Variants in IQSEC3 observed in about 807,000 individuals in gnomAD.
IQSEC3 encodes IQ motif and SEC7 domain-containing protein 3.
Under a neutral mutation model 105.4 loss-of-function variants are expected in IQSEC3, and 50 were observed. The ratio of observed to expected loss-of-function variants is 0.47; its 90% CI spans 0.38 to 0.60. IQSEC3 has a LOEUF of 0.60. IQSEC3 is among the 20% of genes least tolerant of loss of function. IQSEC3 has a pLI of 0.00. For synonymous variants in IQSEC3, 708 were observed against 746.0 expected (o/e 0.95, Z 0.83); for missense variants, 1,415 against 1,630.0 (o/e 0.87, Z 2.27).
At chr12:87,267 C>A (rs1018323743) in intron 1 of IQSEC3, among the ~76,000 whole-genome samples, 2 of 152,032 alleles carry the variant, frequency 1.3e-5, no homozygotes, top group African/African-American at 4.8e-5. Flanking sequence ...TCCATGCACG[C>A]CTCTCCATGG....
chr12:159,671 C>T (rs985715909), intron 7 of IQSEC3, among the ~76,000 whole-genome samples: 5 of 152,284 alleles, frequency 3.3e-5, no homozygotes, highest in East Asian at 3.9e-4. Flanking sequence ...TGTCTGCCTT[C>T]GTGTTCTGGA....
chr12:108,977 TG>T (rs1864777558), intron 2 of IQSEC3, among the ~76,000 whole-genome samples: 1 of 152,236 alleles, frequency 6.6e-6, no homozygotes, highest in Admixed American at 6.5e-5. Flanking sequence ...GGGGACTTGG[TG>T]GCTTTTCGTC....
Position 138,491 on chromosome 12 carries a change from C to T in IQSEC3, c.1128C>T (p.Leu376=). 1.9e-6 allele frequency: 3 copies of T among 1,589,046 alleles called. No homozygotes were observed. Among genetic ancestry groups the T allele is most frequent in the East Asian group, 2.3e-5 (1 of 43,904 alleles). The change falls in exon 4 of 14, where the codon CTC becomes CTT. Residue 376 remains leucine (L), a synonymous_variant. Coordinates refer to ENST00000538872, the MANE Select transcript of IQSEC3 (RefSeq NM_001170738.2). This position sits in a 1 kb window ranked among gnomAD's most constrained non-coding sequence, Gnocchi z 7.1. ...AEKALMEGYG[L]VGLPLVRSPS... Reference sequence around the variant, plus strand: ...AAGCGCTCATGGAGGGCTACGGCCTCGTGGGGCTGCCGCTGGTGCGCTCGC... The same window carrying T: ...AAGCGCTCATGGAGGGCTACGGCCTTGTGGGGCTGCCGCTGGTGCGCTCGC...
At chr12:156,894 G>A (rs1555094409) in intron 5 of IQSEC3, 131 bp from the exon 6 acceptor site, 2 of 1,162,168 alleles carry the variant, frequency 1.7e-6, no homozygotes, top group South Asian at 2.5e-5. Context: ...GGCATTAAAG[G>A]GCGACCCCCG....
At chr12:127,514 TCAAAA>T (rs782374387) in intron 3 of IQSEC3, among the ~76,000 whole-genome samples, 1 of 151,500 alleles carries the variant, frequency 6.6e-6, no homozygotes, top group Non-Finnish European at 1.5e-5. Flanking sequence ...AGACTCTGTC[TCAAAA>T]CAAAACAAAA....
intron 1 of IQSEC3, among the ~76,000 whole-genome samples, chr12:88,838 G>A (rs1437268286): frequency 6.6e-6 from 1 of 152,180 alleles, no homozygotes; most frequent in Non-Finnish European, 1.5e-5. Context: ...TCCTGGTAGG[G>A]CTCTGTTTGA....
chr12:106,912 T>G (rs1257705292), intron 2 of IQSEC3: 15 of 152,254 alleles, frequency 9.9e-5, no homozygotes, highest in African/African-American at 3.6e-4. Context: ...TTAATTTGTT[T>G]CATCAAACCA....
intron 1 of IQSEC3, among the ~76,000 whole-genome samples, chr12:95,106 GT>G (rs782373223): frequency 2.0e-5 from 3 of 152,164 alleles, no homozygotes; most frequent in South Asian, 4.1e-4. Context: ...ATCAAAAGAT[GT>G]TTAGGTTTCA....
In IQSEC3 at chr12:141,250, C is replaced by A; in HGVS notation, c.2118C>A (p.Gly706=). Residue 706 remains glycine (G), a synonymous_variant, in exon 5 of 14, where the codon GGC becomes GGA. Coordinates refer to ENST00000538872, the MANE Select transcript of IQSEC3 (RefSeq NM_001170738.2). ...LSRQMIGEFL[G]NSKKQFNRDV... ...GCCAGATGATTGGAGAGTTCCTGGG[C>A]AACAGCAAGAAGCAGTTCAACCGCG... The A allele has an allele frequency of 6.2e-7, 1 of 1,614,108 alleles. No homozygotes were observed. The highest frequency in any genetic ancestry group is 1.1e-5 in the South Asian group (1 of 91,072).
chr12:109,006 C>T (rs1555078778), intron 2 of IQSEC3, among the ~76,000 whole-genome samples: 1 of 152,256 alleles, frequency 6.6e-6, no homozygotes, highest in Non-Finnish European at 1.5e-5. Flanking sequence ...AGGGTCGCCC[C>T]TTGGCCCAGC....
chr12:156,560 G>A (rs1555094327), intron 5 of IQSEC3, among the ~76,000 whole-genome samples: 2 of 152,134 alleles, frequency 1.3e-5, no homozygotes, highest in East Asian at 1.9e-4. Context: ...TAACTGTTCA[G>A]CCTACAGCAG....
Position 157,305 on chromosome 12 carries a change from G to C in IQSEC3, c.2276+158G>C, listed in dbSNP as rs146048385. 7.0e-3 allele frequency among the ~76,000 whole-genome samples: 1,066 copies of C among 152,300 alleles called. 8 individuals carry two copies. Among genetic ancestry groups the C allele is most frequent in the African/African-American group, 0.024 (994 of 41,554 alleles). Reference sequence around the variant, plus strand: ...CAGGAGGATGGCTGGGGAGAAACAAGGGAAGGGAAGAAAAGGGACCGACCC... The same window carrying C: ...CAGGAGGATGGCTGGGGAGAAACAACGGAAGGGAAGAAAAGGGACCGACCC... On this transcript the variant is annotated intron_variant, in intron 6 of 13. Coordinates refer to ENST00000538872, the MANE Select transcript of IQSEC3 (RefSeq NM_001170738.2).
rs909152239 is a variant in IQSEC3, at chr12:177,140, G to A, written c.*2107G>A. On this transcript the variant is annotated 3_prime_UTR_variant, in exon 14 of 14. Transcript: ENST00000538872. The surrounding 1 kb of genome is among the most constrained non-coding windows in gnomAD (Gnocchi z 5.3). ...GCCCTGACCCGCCAGGCAGGACCCCGTCCCCTGCTCACACAGCTCTTCAAA... is the reference window on the plus strand; with the variant it reads ...GCCCTGACCCGCCAGGCAGGACCCCATCCCCTGCTCACACAGCTCTTCAAA... 7.0e-6 allele frequency: 1 copy of A among 142,882 alleles called. No individual in the cohort carries two copies. Among genetic ancestry groups the A allele is most frequent in the South Asian group, 2.1e-4 (1 of 4,692 alleles). 8.9% of individuals were successfully genotyped at this position (142,882 alleles called of 1,614,324 possible).
Position 95,164 on chromosome 12 carries a change from C to A in IQSEC3, c.555-3982C>A, listed in dbSNP as rs571926285. Among the ~76,000 whole-genome samples the A allele has an allele frequency of 1.8e-3, 277 of 152,314 alleles. 2 individuals carry two copies. The highest frequency in any genetic ancestry group is 3.4e-3 in the Middle Eastern group (1 of 294). ...ATTTGCCCCGGGAATGAACCTCGGG[C>A]TGGAAGACTGACCTGGAATTTTGGC... On this transcript the variant is annotated intron_variant, in intron 1 of 13. Coordinates refer to ENST00000538872, the MANE Select transcript of IQSEC3 (RefSeq NM_001170738.2).
intron 10 of IQSEC3, 79 bp from the exon 11 acceptor site, chr12:165,650 C>CT: frequency 6.3e-7 from 1 of 1,582,210 alleles, no homozygotes. Flanking sequence ...AGACCCCGTG[C>CT]CCTCCTCATG....
At chr12:68,535 T>C (rs1340574963) in intron 1 of IQSEC3, among the ~76,000 whole-genome samples, 1 of 152,248 alleles carries the variant, frequency 6.6e-6, no homozygotes, top group Non-Finnish European at 1.5e-5. Flanking sequence ...CTCTCCTCTG[T>C]ACTGGAAAGG....
intron 1 of IQSEC3, among the ~76,000 whole-genome samples, chr12:80,968 C>T (rs189674045): frequency 5.3e-5 from 8 of 152,268 alleles, no homozygotes; most frequent in South Asian, 4.1e-4. Flanking sequence ...CAGGGAGAGG[C>T]GCCTGAGGCC....
intron 9 of IQSEC3, 23 bp downstream of exon 9, chr12:163,642 C>T (rs1319908989): frequency 6.9e-6 from 9 of 1,296,196 alleles, no homozygotes; most frequent in Non-Finnish European, 1.0e-5. Flanking sequence ...CGCTCCGGGA[C>T]TGGGCTGGGC....
At chr12:173,276 T>G (rs1247217386) in intron 13 of IQSEC3, among the ~76,000 whole-genome samples, 1 of 152,042 alleles carries the variant, frequency 6.6e-6, no homozygotes, top group Non-Finnish European at 1.5e-5. Context: ...GCCTGGAACA[T>G]GTGCTGAGGT....
Sources: allele counts gnomAD v4.1 joint callset (sites outside exome capture counted in the v4.1 genomes callset), GRCh38; gene constraint gnomAD v4.1.1; non-coding constraint Gnocchi (gnomAD v3.1); transcripts MANE v1.5; gene names NCBI Gene and HGNC (gene_info 2026-07-23, HGNC 2026-07-21).